PCDH15: variants seen among roughly 807,000 people sequenced by gnomAD.
The protein encoded by PCDH15 is protocadherin-15.
A neutral mutation model predicts 178.5 loss-of-function variants in PCDH15; 129 were observed. The ratio of observed to expected loss-of-function variants is 0.72; its 90% CI spans 0.63 to 0.84. PCDH15 has a LOEUF of 0.84. PCDH15 is among the 40% of genes least tolerant of loss of function. PCDH15 has a pLI of 0.00. For missense variants in PCDH15, 2,230 were observed against 2,099.9 expected (o/e 1.06, Z -1.21); for synonymous variants, 800 against 732.0 (o/e 1.09, Z -1.50).
intron 3 of PCDH15, among the ~76,000 whole-genome samples, chr10:54,448,911 T>C (rs2076301110): frequency 6.6e-6 from 1 of 151,742 alleles, no homozygotes; most frequent in Non-Finnish European, 1.5e-5. Context: ...GTAGACTACA[T>C]CTCCTATTTT....
intron 2 of PCDH15, among the ~76,000 whole-genome samples, chr10:55,492,707 G>C (rs1285475818): frequency 6.6e-6 from 1 of 151,724 alleles, no homozygotes; most frequent in Non-Finnish European, 1.5e-5. Context: ...CAGGCAATAG[G>C]TATGGCCTTT....
chr10:53,974,315 A>G (rs995783928), intron 21 of PCDH15, among the ~76,000 whole-genome samples: 1 of 152,208 alleles, frequency 6.6e-6, no homozygotes, highest in Non-Finnish European at 1.5e-5. Flanking sequence ...ACATCCAGCC[A>G]GAAATTAAAC....
intron 23 of PCDH15, among the ~76,000 whole-genome samples, chr10:53,954,399 C>T (rs1295956659): frequency 5.3e-5 from 8 of 152,102 alleles, no homozygotes; most frequent in African/African-American, 9.7e-5. Flanking sequence ...GAAGTGCTTT[C>T]AATTCTAAAA....
chr10:54,235,583 C>T (rs2054548512), intron 9 of PCDH15, among the ~76,000 whole-genome samples: 1 of 152,154 alleles, frequency 6.6e-6, no homozygotes, highest in Non-Finnish European at 1.5e-5. Context: ...TCATAAAATG[C>T]TTAATGCTCT....
intron 15 of PCDH15, among the ~76,000 whole-genome samples, chr10:54,100,944 A>C (rs1254609836): frequency 6.6e-6 from 1 of 152,128 alleles, no homozygotes; most frequent in East Asian, 1.9e-4. Context: ...GATAAACAGA[A>C]AGAAAGATCT....
rs377608406 is a variant in PCDH15, at chr10:54,117,690, C to A, written c.1917+15185G>T. 5.9e-5 allele frequency among the ~76,000 whole-genome samples: 9 copies of A among 151,694 alleles called. No individual in the cohort carries two copies. In the East Asian group the frequency reaches 1.6e-3, roughly 26 times the overall value. On this transcript the variant is annotated intron_variant, in intron 15 of 37. Coordinates refer to ENST00000644397, the MANE Select transcript of PCDH15 (RefSeq NM_001384140.1). ...AAAGTGTGTAGCTCCTTTCCTCAGG[C>A]AGGTAGTCCCAGGTCCAGCTTGTCA...
At chr10:54,843,736 G>A (rs747260869) in intron 3 of PCDH15, among the ~76,000 whole-genome samples, 13 of 151,924 alleles carry the variant, frequency 8.6e-5, no homozygotes, top group Non-Finnish European at 1.3e-4. Context: ...TTCAATAAAC[G>A]TAGTAAATAA....
chr10:54,882,375 GA>G (rs1954279896), intron 3 of PCDH15, among the ~76,000 whole-genome samples: 2 of 152,056 alleles, frequency 1.3e-5, no homozygotes, highest in East Asian at 3.9e-4. Context: ...CATAAAGTCG[GA>G]AAATGTCTAC....
At chr10:54,461,491 C>T (rs555921763) in intron 3 of PCDH15, among the ~76,000 whole-genome samples, 77 of 152,234 alleles carry the variant, frequency 5.1e-4, no homozygotes, top group Non-Finnish European at 8.5e-4. Context: ...TGAGATTAGA[C>T]CATCTCTTGG....
chr10:54,125,019 T>A (rs112733451), intron 15 of PCDH15, among the ~76,000 whole-genome samples: 46 of 152,290 alleles, frequency 3.0e-4, no homozygotes, highest in African/African-American at 1.1e-3. Flanking sequence ...GCCCAGACAT[T>A]AAATTCCATG....
At chr10:54,054,434 A>C (rs1169032305) in intron 18 of PCDH15, among the ~76,000 whole-genome samples, 1 of 152,128 alleles carries the variant, frequency 6.6e-6, no homozygotes, top group African/African-American at 2.4e-5. Flanking sequence ...GAGAGATCCT[A>C]TAGCAATAGA....
At chr10:54,609,044 C>A (rs916835183) in intron 2 of PCDH15, among the ~76,000 whole-genome samples, 2 of 151,900 alleles carry the variant, frequency 1.3e-5, no homozygotes, top group African/African-American at 4.8e-5. Flanking sequence ...CTGAAAGGTA[C>A]AATAAAAAAT....
chr10:54,080,483 C>T (rs2094420573), intron 16 of PCDH15, among the ~76,000 whole-genome samples: 1 of 152,000 alleles, frequency 6.6e-6, no homozygotes, highest in African/African-American at 2.4e-5. Flanking sequence ...TATAATAACA[C>T]ATTAAAATAT....
At chr10:54,561,070 A>C (rs528646601) in intron 2 of PCDH15, among the ~76,000 whole-genome samples, 1 of 152,304 alleles carries the variant, frequency 6.6e-6, no homozygotes, top group East Asian at 1.9e-4. Flanking sequence ...AGAGTAAGAA[A>C]ATATGAGAAA....
chr10:55,399,417 C>T lies in PCDH15; in HGVS notation c.-156+228208G>A, dbSNP rs577980576. Among the ~76,000 whole-genome samples the T allele has an allele frequency of 5.9e-4, 89 of 152,086 alleles. No homozygotes were observed. In the Middle Eastern group the frequency reaches 0.01, roughly 17 times the overall value. On this transcript the variant is annotated intron_variant, in intron 2 of 5. Coordinates refer to the PCDH15 transcript ENST00000613346. Reference sequence around the variant, plus strand: ...CTTTAAATAAAAAATAAAATGTGTGCGAATATTTTCCATCCAGCAAATTGA... The same window carrying T: ...CTTTAAATAAAAAATAAAATGTGTGTGAATATTTTCCATCCAGCAAATTGA...
chr10:54,682,621 C>T (rs933703490), intron 1 of PCDH15, among the ~76,000 whole-genome samples: 12 of 152,118 alleles, frequency 7.9e-5, no homozygotes, highest in Non-Finnish European at 1.5e-4. Context: ...GGTTACTTTT[C>T]CTCTTTTTAT....
At chr10:54,212,833 G>A (rs754893735) in intron 10 of PCDH15, among the ~76,000 whole-genome samples, 35 of 152,076 alleles carry the variant, frequency 2.3e-4, no homozygotes, top group South Asian at 4.1e-4. Context: ...TGGCTTTAGC[G>A]TATATAAAAC....
At chr10:54,580,151 A>G (rs61853659) in intron 2 of PCDH15, among the ~76,000 whole-genome samples, 22,297 of 152,022 alleles carry the variant, frequency 0.15, 1,829 homozygotes, top group Non-Finnish European at 0.19. Context: ...TAGAGACCCA[A>G]TAATCCATAC....
At chr10:53,897,578 TCATTGA>T (rs1488087105) in intron 26 of PCDH15, among the ~76,000 whole-genome samples, 1 of 132,134 alleles carries the variant, frequency 7.6e-6, no homozygotes, top group Non-Finnish European at 1.6e-5. Context: ...AGTGTACAGT[TCATTGA>T]CATTAAGTGT....
Sources: allele counts gnomAD v4.1 joint callset (sites outside exome capture counted in the v4.1 genomes callset), GRCh38; gene constraint gnomAD v4.1.1; transcripts MANE v1.5; gene names NCBI Gene and HGNC (gene_info 2026-07-23, HGNC 2026-07-21).